Variants in ARHGAP45 observed in about 807,000 individuals in gnomAD.
The protein encoded by ARHGAP45 is rho GTPase-activating protein 45.
Under a neutral mutation model 116.1 loss-of-function variants are expected in ARHGAP45, and 56 were observed. That is an observed-to-expected ratio of 0.48 (90% CI 0.39 to 0.60). The LOEUF is 0.60. Ranked by LOEUF, ARHGAP45 falls within the 20% of genes least tolerant of loss-of-function variation. The pLI is 0.00. For synonymous variants in ARHGAP45, 866 were observed against 701.7 expected, an observed-to-expected ratio of 1.23 and a Z score of -3.70; for missense variants, 1,622 against 1,601.0, an observed-to-expected ratio of 1.01 and a Z score of -0.22.
Position 1,067,247 on chromosome 19 carries a change from G to GA in ARHGAP45, c.-159_-158insA, listed in dbSNP as rs529103165. On this transcript the variant is annotated 5_prime_UTR_variant, in exon 1 of 23. Transcript: ENST00000313093. ...CGCCTCCCCGAAGCCTTTTCCTGTT[G>GA]GGGGGAGGGCCCGCCAGTGACGGCC... 63 of 1,265,492 alleles carry GA rather than the reference G, an allele frequency of 5.0e-5. No homozygotes were observed. The highest frequency in any genetic ancestry group is 3.8e-4 in the East Asian group (11 of 29,108). The allele number at this position is 1,265,492 out of a possible 1,614,324, so 78.4% of individuals were successfully genotyped here. A position where few individuals can be genotyped will look rare whatever the true frequency, so the allele number is the denominator to read the frequency against.
chr19:1,076,271 A>G (rs1422428657), intron 10 of ARHGAP45, among the ~76,000 whole-genome samples: 1 of 152,084 alleles, frequency 6.6e-6, no homozygotes, highest in African/African-American at 2.4e-5. Flanking sequence ...CTCAGTTCTT[A>G]ACCTTTGCTT....
rs1946012189 is a variant in ARHGAP45, at chr19:1,068,740, T to C, written c.417T>C (p.Arg139=). The change falls in exon 2 of 23, where the codon CGT becomes CGC. Residue 139 remains arginine, a synonymous_variant. Coordinates refer to ENST00000313093, the MANE Select transcript of ARHGAP45 (RefSeq NM_012292.5). The surrounding 1 kb of genome is among the most constrained non-coding windows in gnomAD (Gnocchi z 7.5). ...AGAAACTTAAGGAGTGTGTGTTGCG[T>C]GACGGTGAGAGCCACGGGGACACCG... is the stretch of plus-strand genomic sequence containing the variant. ...GLEKLKECVL[R]DDLLEARRPR... The C allele has an allele frequency of 2.0e-5, 33 of 1,610,512 alleles. No individual in the cohort carries two copies. The highest frequency in any genetic ancestry group is 2.5e-5 in the Non-Finnish European group (29 of 1,178,636).
In ARHGAP45 at chr19:1,079,843, G is replaced by T; in HGVS notation, c.1512+3G>T. The T allele has an allele frequency of 1.2e-6, 2 of 1,600,776 alleles. No individual in the cohort carries two copies. The highest frequency in any genetic ancestry group is 2.2e-5 in the South Asian group (2 of 90,616). ...AGAGCGACCAAACCATCAAGTCGGT[G>T]CGTGGGGTGCTCCGGCCGCCCGGGC... On this transcript the variant is annotated splice_donor_region_variant and intron_variant, in intron 12 of 22. Transcript: ENST00000313093.
chr19:1,075,033 C>CCCT (rs1555706882), intron 10 of ARHGAP45, among the ~76,000 whole-genome samples, 154 bp downstream of exon 10: 1 of 133,102 alleles, frequency 7.5e-6, no homozygotes, highest in African/African-American at 2.6e-5. Context: ...GGCCGCCCCC[C>CCCT]CCAACGCCAA....
At position 1,080,676 on chromosome 19, in the gene ARHGAP45, G is replaced by A. The variant is rs766081477; in HGVS notation, c.1913-6G>A. 1.9e-5 allele frequency: 30 copies of A among 1,612,816 alleles called. No individual in the cohort carries two copies. In the East Asian group the frequency reaches 3.3e-4, roughly 18 times the overall value. On this transcript the variant is annotated splice_region_variant and splice_polypyrimidine_tract_variant and intron_variant, in intron 15 of 22. Coordinates refer to ENST00000313093, the MANE Select transcript of ARHGAP45 (RefSeq NM_012292.5). ...GGGAGTCTGAACAGTCCTGATTCCC[G>A]CCCAGGGGACTTTAAGAAGTTCGAG... is the stretch of plus-strand genomic sequence containing the variant.
rs1805746069 is a variant in ARHGAP45 at position 1,074,877 on chromosome 19, C to T, written c.1183C>T (p.Leu395=). 6.6e-6 allele frequency: 3 copies of T among 456,150 alleles called. No homozygotes were observed. Among genetic ancestry groups the T allele is most frequent in the African/African-American group, 4.8e-5 (2 of 41,694 alleles). The allele number at this position is 456,150 out of a possible 1,614,324, so 28.3% of individuals were successfully genotyped here. The change falls in exon 10 of 23, where the codon CTG becomes TTG. Residue 395 remains leucine, a splice_region_variant and synonymous_variant. Coordinates refer to ENST00000313093, the MANE Select transcript of ARHGAP45 (RefSeq NM_012292.5). ...KEAWHRAQRK[L]QEAESNLRKA... ...GGCCTGGCACCGTGCCCAGAGGAAG[C>T]TGGTGAGGCGGGCGGGCGGGGGCGG...
chr19:1,067,052 A>T, upstream of ARHGAP45: 1 of 489,712 alleles, frequency 2.0e-6, no homozygotes, highest in Non-Finnish European at 2.7e-6. Flanking sequence ...CGCCAGCGTC[A>T]GGCAGGGGCT....
Position 1,080,476 on chromosome 19 carries a change from A to G in ARHGAP45, c.1841A>G (p.His614Arg), listed in dbSNP as rs2043399673. Reference protein sequence around the residue: ...PAKDHRAGRGHQVHKSWPLSI... With the variant: ...PAKDHRAGRGRQVHKSWPLSI... ...CCTCTTTCTCCAGCCGGGCGAGGACACCAGGTTCACAAGTCATGGCCGCTC... is the reference window on the plus strand; with the variant it reads ...CCTCTTTCTCCAGCCGGGCGAGGACGCCAGGTTCACAAGTCATGGCCGCTC... Residue 614 changes from histidine (H) to arginine (R), a missense_variant, in exon 15 of 23, where the codon CAC (histidine) becomes CGC (arginine). By Grantham distance (29) the His-to-Arg change is conservative (BLOSUM62 0). Transcript: ENST00000313093. The G allele has an allele frequency of 1.2e-6, 2 of 1,612,832 alleles. No homozygotes were observed. The highest frequency in any genetic ancestry group is 1.3e-5 in the African/African-American group (1 of 75,018).
intron 22 of ARHGAP45, 82 bp downstream of exon 22, chr19:1,084,428 C>A: frequency 9.4e-7 from 1 of 1,068,996 alleles, no homozygotes. Flanking sequence ...CCTAGTTGTA[C>A]ACACGTGGCA....
Position 1,071,347 on chromosome 19 carries a change from C to G in ARHGAP45, c.422-1802C>G. On this transcript the variant is annotated intron_variant, in intron 2 of 22. Coordinates refer to ENST00000313093, the MANE Select transcript of ARHGAP45 (RefSeq NM_012292.5). The surrounding 1 kb of genome is among the most constrained non-coding windows in gnomAD (Gnocchi z 4.6). The stretch of plus-strand genomic sequence containing the variant: ...GACGAGGGCCCCGTGCGCTGCCGGG[C>G]GGGCCCCCGAGGTGAGGGGACAGGT... 1 of 1,350,702 alleles carries G rather than the reference C, an allele frequency of 7.4e-7. No individual in the cohort carries two copies. The highest frequency in any genetic ancestry group is 9.5e-7 in the Non-Finnish European group (1 of 1,056,258). 83.7% of individuals were successfully genotyped at this position (1,350,702 alleles called of 1,614,324 possible).
At position 1,075,681 on chromosome 19, in the gene ARHGAP45, A is replaced by G. The variant is rs186629662; in HGVS notation, c.1185+802A>G. Among the ~76,000 whole-genome samples the G allele has an allele frequency of 1.4e-4, 21 of 152,224 alleles. No individual in the cohort carries two copies. The East Asian group carries it at 4.1e-3, about 29-fold the overall frequency. Reference sequence around the variant, plus strand: ...CAGGCTGGACTGCAGTGACGCAATCATACCTCACTGCAGACTTGCCTTCTT... The same window carrying G: ...CAGGCTGGACTGCAGTGACGCAATCGTACCTCACTGCAGACTTGCCTTCTT... On this transcript the variant is annotated intron_variant, in intron 10 of 22. Transcript: ENST00000313093.
chr19:1,082,709 TGGGTGGAACCCGAGCTCGGTG>T lies in ARHGAP45; in HGVS notation c.2518-125_2518-105del. The T allele has an allele frequency of 4.0e-6, 3 of 753,880 alleles. No homozygotes were observed. The South Asian group carries it at 6.3e-5, about 16-fold the overall frequency. 46.7% of individuals were successfully genotyped at this position (753,880 alleles called of 1,614,324 possible). On this transcript the variant is annotated intron_variant, in intron 19 of 22. Coordinates refer to ENST00000313093, the MANE Select transcript of ARHGAP45 (RefSeq NM_012292.5). ...CTGGGAAAGGGGACTGACGCCGCTC[TGGGTGGAACCCGAGCTCGGTG>T]GGGTGTGGCCAGTGCTCTGTGGGGG... is the stretch of plus-strand genomic sequence containing the variant.
At position 1,068,391 on chromosome 19, in the gene ARHGAP45, A is replaced by T; in HGVS notation, c.91-23A>T. The T allele has an allele frequency of 6.7e-7, 1 of 1,493,320 alleles. No homozygotes were observed. The highest frequency in any genetic ancestry group is 8.9e-7 in the Non-Finnish European group (1 of 1,118,152). The allele number at this position is 1,493,320 out of a possible 1,614,324, so 92.5% of individuals were successfully genotyped here. ...TCCAGGCCGGAAAATCCCTTTAACG[A>T]GCTCCCCTCGGACCTGCCCAAGGAG... is the stretch of plus-strand genomic sequence containing the variant. On this transcript the variant is annotated intron_variant, in intron 1 of 22. Coordinates refer to ENST00000313093, the MANE Select transcript of ARHGAP45 (RefSeq NM_012292.5). This position sits in a 1 kb window ranked among gnomAD's most constrained non-coding sequence, Gnocchi z 7.5.
rs576623567 is a variant in ARHGAP45 at position 1,086,137 on chromosome 19, C to A, written c.*131C>A. ...GCTGCCGAGAGCGCCTGGACTTCGA[C>A]GTCCCACCAGCGGGCGCCTCCTCCC... On this transcript the variant is annotated 3_prime_UTR_variant, in exon 23 of 23. Transcript: ENST00000313093. The A allele has an allele frequency of 6.5e-5, 53 of 809,488 alleles. No homozygotes were observed. In the African/African-American group the frequency reaches 8.6e-4, roughly 13 times the overall value. 50.1% of individuals were successfully genotyped at this position (809,488 alleles called of 1,614,324 possible).
Position 1,080,048 on chromosome 19 carries a change from C to G in ARHGAP45, c.1633C>G (p.Arg545Gly), listed in dbSNP as rs779717430. The change falls in exon 13 of 23, where the codon CGC becomes GGC. Residue 545 changes from arginine to glycine, a missense_variant. By Grantham distance (125) the Arg-to-Gly change is moderately radical. Around this residue, in one of 3 missense-constraint regions of ARHGAP45, gnomAD observed 1,334 missense variants for 1,263.8 expected, o/e 1.06. Coordinates refer to ENST00000313093, the MANE Select transcript of ARHGAP45 (RefSeq NM_012292.5). The stretch of plus-strand genomic sequence containing the variant: ...AGGCCAGCAGTACGCCTCCCACGTG[C>G]GCCAGCTGCAGCGGGACCAGGAGCC... ...DPGQQYASHV[R>G]QLQRDQEPDV... 2 of 1,612,808 alleles carry G rather than the reference C, an allele frequency of 1.2e-6. No individual in the cohort carries two copies. Among genetic ancestry groups the G allele is most frequent in the Non-Finnish European group, 1.7e-6 (2 of 1,179,906 alleles).
intron 2 of ARHGAP45, among the ~76,000 whole-genome samples, chr19:1,070,329 C>CTTTT (rs1172163710): frequency 3.8e-4 from 35 of 93,270 alleles, no homozygotes; most frequent in Admixed American, 5.9e-4. Context: ...CTTTTCTTTT[C>CTTTT]TTTTTTTTTT....
At position 1,085,875 on chromosome 19, in the gene ARHGAP45, G is replaced by T; in HGVS notation, c.3280G>T (p.Ala1094Ser). ...CGGGGACGGGGACGAGGACGGCCCG[G>T]CCCAGCAGCTCTCAGGATTCAACAC... ...EDGDGDEDGP[A>S]QQLSGFNTNQ... Residue 1094 changes from alanine (A) to serine (S), a missense_variant, in exon 23 of 23, where the codon GCC becomes TCC. Physicochemically the swap from Ala to Ser is moderately conservative, Grantham distance 99 (BLOSUM62 1). Coordinates refer to ENST00000313093, the MANE Select transcript of ARHGAP45 (RefSeq NM_012292.5). The T allele has an allele frequency of 3.7e-6, 6 of 1,612,972 alleles. No individual in the cohort carries two copies. The highest frequency in any genetic ancestry group is 5.1e-6 in the Non-Finnish European group (6 of 1,179,968).
chr19:1,067,612 C>G, intron 1 of ARHGAP45, 117 bp downstream of exon 1: 1 of 1,014,844 alleles, frequency 9.9e-7, no homozygotes, highest in Middle Eastern at 2.2e-4. Context: ...CAGCTACAGC[C>G]CCTACCGGGC....
Position 1,085,872 on chromosome 19 carries a change from C to T in ARHGAP45, c.3277C>T (p.Pro1093Ser), listed in dbSNP as rs749449237. The change falls in exon 23 of 23, where the codon CCG becomes TCG. Residue 1093 changes from proline (P) to serine (S), a missense_variant. Pro to Ser is a moderately conservative substitution (Grantham distance 74). Around this residue, in one of 3 missense-constraint regions of ARHGAP45, gnomAD observed 1,334 missense variants for 1,263.8 expected, o/e 1.06. Coordinates refer to ENST00000313093, the MANE Select transcript of ARHGAP45 (RefSeq NM_012292.5). Reference sequence around the variant, plus strand: ...GGACGGGGACGGGGACGAGGACGGCCCGGCCCAGCAGCTCTCAGGATTCAA... The same window carrying T: ...GGACGGGGACGGGGACGAGGACGGCTCGGCCCAGCAGCTCTCAGGATTCAA... ...REDGDGDEDG[P>S]AQQLSGFNTN... The T allele has an allele frequency of 6.2e-7, 1 of 1,609,942 alleles. No individual in the cohort carries two copies. The highest frequency in any genetic ancestry group is 8.5e-7 in the Non-Finnish European group (1 of 1,179,694).
Sources: gnomAD v4.1 joint callset for allele counts (sites outside exome capture counted in the v4.1 genomes callset) on GRCh38, gnomAD v4.1.1 for gene constraint, gnomAD v4.1.1 regional missense constraint, Gnocchi (gnomAD v3.1) non-coding constraint, MANE v1.5 for transcripts, NCBI Gene and HGNC (gene_info 2026-07-23, HGNC 2026-07-21) for gene names.